HSD17B14: variants seen among roughly 807,000 people sequenced by gnomAD.
HSD17B14 encodes the protein L-fucose dehydrogenase.
A neutral mutation model predicts 32.2 loss-of-function variants in HSD17B14; 32 were observed. The observed-to-expected ratio is 0.99, with a 90% CI of 0.75 to 1.33. The LOEUF (loss-of-function observed/expected upper bound fraction) is 1.33. Ranked by LOEUF, HSD17B14 falls within the 40% of genes most tolerant of loss-of-function variation. The pLI is 0.00. For synonymous variants in HSD17B14, 140 were observed against 155.4 expected (o/e 0.90, Z 0.74); for missense variants, 370 against 366.5 (o/e 1.01, Z -0.08).
intron 4 of HSD17B14, 72 bp downstream of exon 4, chr19:48,832,594 G>T: frequency 7.5e-7 from 1 of 1,332,532 alleles, no homozygotes. Flanking sequence ...GCAGGGAGTG[G>T]GGAAACTGAC....
intron 5 of HSD17B14, 54 bp from the exon 6 acceptor site, chr19:48,815,195 A>T (rs1302106601): frequency 7.5e-7 from 1 of 1,340,440 alleles, no homozygotes; most frequent in Admixed American, 1.7e-5. Flanking sequence ...TTCGCAGACC[A>T]CTGAAACACA....
At chr19:48,835,879 C>T (rs1381334447) in intron 1 of HSD17B14, 36 bp from the exon 2 acceptor site, 1 of 1,609,564 alleles carries the variant, frequency 6.2e-7, no homozygotes, top group Non-Finnish European at 8.5e-7. Context: ...CTCTCCGAGC[C>T]TTGGTTAAAG....
In HSD17B14 at chr19:48,813,922, G is replaced by T. The variant is rs565509164; in HGVS notation, c.475-192C>A. On this transcript the variant is annotated intron_variant, in intron 6 of 8. Transcript: ENST00000263278. ...GAAATCTGTCACAGGAAGGCCAGGT[G>T]CAGTGGCTCACACCTGTAATCCCAG... is the stretch of plus-strand genomic sequence containing the variant. Among the ~76,000 whole-genome samples the T allele has an allele frequency of 1.6e-4, 24 of 152,326 alleles. No individual in the cohort carries two copies. In the South Asian group the frequency reaches 4.1e-3, roughly 26 times the overall value.
intron 5 of HSD17B14, among the ~76,000 whole-genome samples, chr19:48,822,200 T>C (rs2035165881): frequency 6.9e-6 from 1 of 144,710 alleles, no homozygotes; most frequent in Admixed American, 7.3e-5. Flanking sequence ...ATGGTGATGA[T>C]GATGATGGTG....
intron 5 of HSD17B14, among the ~76,000 whole-genome samples, chr19:48,830,395 G>A (rs2035317391): frequency 6.6e-6 from 1 of 152,084 alleles, no homozygotes; most frequent in African/African-American, 2.4e-5. Flanking sequence ...GGAACTGTCT[G>A]CTTTCCTGTA....
chr19:48,819,278 C>A (rs2035107114), intron 5 of HSD17B14, among the ~76,000 whole-genome samples: 1 of 152,152 alleles, frequency 6.6e-6, no homozygotes, highest in Non-Finnish European at 1.5e-5. Context: ...CGTGAGCCAC[C>A]ATGCCCAGCT....
chr19:48,835,830 G>T lies in HSD17B14; in HGVS notation c.102C>A (p.Ala34=). The change falls in exon 2 of 9, where the codon GCC becomes GCA. Residue 34 remains alanine, a synonymous_variant. Coordinates refer to ENST00000263278, the MANE Select transcript of HSD17B14 (RefSeq NM_016246.3). The part of the protein sequence containing the change: ...GIVRAFVNSG[A]RVVICDKDES... Reference sequence around the variant, plus strand: ...CATCCTTGTCGCAGATAACCACTCGGGCCCCGCTGTTCACTGAGAATAGGA... The same window carrying T: ...CATCCTTGTCGCAGATAACCACTCGTGCCCCGCTGTTCACTGAGAATAGGA... 1 of 1,613,638 alleles carries T rather than the reference G, an allele frequency of 6.2e-7. No homozygotes were observed. The highest frequency in any genetic ancestry group is 1.1e-5 in the South Asian group (1 of 91,078).
At chr19:48,822,790 T>C (rs890358136) in intron 5 of HSD17B14, among the ~76,000 whole-genome samples, 9 of 151,786 alleles carry the variant, frequency 5.9e-5, no homozygotes, top group Admixed American at 5.9e-4. Flanking sequence ...GTGGTAATGA[T>C]GGTGACGATG....
intron 5 of HSD17B14, among the ~76,000 whole-genome samples, chr19:48,824,352 C>A (rs1186193381): frequency 2.7e-5 from 4 of 149,212 alleles, no homozygotes; most frequent in Non-Finnish European, 4.4e-5. Context: ...GGGAGGATCC[C>A]TTGAGCCCAA....
intron 5 of HSD17B14, among the ~76,000 whole-genome samples, chr19:48,818,914 GAGA>G (rs999149234): frequency 1.3e-5 from 2 of 152,214 alleles, no homozygotes; most frequent in Non-Finnish European, 2.9e-5. Context: ...GGTGAGGTCA[GAGA>G]AGAACAGGGG....
rs113106035 is a variant in HSD17B14, at chr19:48,824,024, G to A, written c.369+7644C>T. Reference sequence around the variant, plus strand: ...AATCCCAGCACTTTGGGAGGCCGAGGCGGGCAGATCACTTGAGGTCAAGAG... The same window carrying A: ...AATCCCAGCACTTTGGGAGGCCGAGACGGGCAGATCACTTGAGGTCAAGAG... On this transcript the variant is annotated intron_variant, in intron 5 of 8. Transcript: ENST00000263278. Among the ~76,000 whole-genome samples the A allele has an allele frequency of 3.8e-3, 563 of 148,810 alleles. 5 individuals carry two copies. The highest frequency in any genetic ancestry group is 0.013 in the African/African-American group (533 of 40,618).
Position 48,813,296 on chromosome 19 carries a change from AG to A in HSD17B14, c.691del (p.Leu231TrpfsTer15). On this transcript the variant is annotated frameshift_variant, in exon 9 of 9. Coordinates refer to ENST00000263278, the MANE Select transcript of HSD17B14 (RefSeq NM_016246.3). LOFTEE classifies it low-confidence loss of function (END_TRUNC). Reference sequence around the variant, plus strand: ...CGTGCAGAAGTTGGCTTCGGAGGCCAGGAACACTGCCGCAGCCCCGACCTCA... The same window carrying A: ...CGTGCAGAAGTTGGCTTCGGAGGCCAGAACACTGCCGCAGCCCCGACCTCA... ...PAEVGAAAVF[L>X]ASEANFCTGI... The A allele has an allele frequency of 6.2e-7, 1 of 1,601,628 alleles. No individual in the cohort carries two copies. Among genetic ancestry groups the A allele is most frequent in the Non-Finnish European group, 8.5e-7 (1 of 1,174,154 alleles).
At chr19:48,822,953 G>A (rs1253963244) in intron 5 of HSD17B14, among the ~76,000 whole-genome samples, 7 of 152,110 alleles carry the variant, frequency 4.6e-5, no homozygotes, top group African/African-American at 1.4e-4. Context: ...TAACGATGGT[G>A]ATAATGGCAG....
At chr19:48,832,644 G>A in intron 4 of HSD17B14, 22 bp downstream of exon 4, 1 of 1,608,106 alleles carries the variant, frequency 6.2e-7, no homozygotes, top group Non-Finnish European at 8.5e-7. Context: ...GTGGAGAATG[G>A]CCCTGGGGTC....
intron 2 of HSD17B14, among the ~76,000 whole-genome samples, chr19:48,835,375 GGTCT>G (rs2035470773): frequency 1.6e-5 from 2 of 127,720 alleles, no homozygotes; most frequent in East Asian, 2.9e-4. Flanking sequence ...GAGGGGCTGA[GGTCT>G]GGACTCCTGG....
At chr19:48,830,301 C>CT (rs2035315377) in intron 5 of HSD17B14, among the ~76,000 whole-genome samples, 1 of 152,150 alleles carries the variant, frequency 6.6e-6, no homozygotes, top group Non-Finnish European at 1.5e-5. Context: ...TAATAGTACC[C>CT]TAAGCCCCCG....
chr19:48,818,362 G>A (rs1451985434), intron 5 of HSD17B14, among the ~76,000 whole-genome samples: 4 of 150,472 alleles, frequency 2.7e-5, no homozygotes, highest in Admixed American at 1.3e-4. Flanking sequence ...TAATATGAAC[G>A]TGAATGATGT....
At position 48,831,686 on chromosome 19, in the gene HSD17B14, C is replaced by T. The variant is rs371524650; in HGVS notation, c.351G>A (p.Gly117=). The T allele has an allele frequency of 1.9e-6, 3 of 1,613,718 alleles. No individual in the cohort carries two copies. The African/African-American group carries it at 4.0e-5, about 22-fold the overall frequency. Residue 117 remains glycine, a synonymous_variant, in exon 5 of 9, where the codon GGG becomes GGA. Transcript: ENST00000263278. ...FRQLLELNLL[G]TYTLTKLALP... Reference sequence around the variant, plus strand: ...CCCTCACCTTGGTCAAGGTGTACGTCCCCAGTAGGTTCAGCTCCAGCAGCT... The same window carrying T: ...CCCTCACCTTGGTCAAGGTGTACGTTCCCAGTAGGTTCAGCTCCAGCAGCT...
intron 5 of HSD17B14, among the ~76,000 whole-genome samples, chr19:48,821,747 A>T (rs2035153094): frequency 6.9e-6 from 1 of 145,470 alleles, no homozygotes; most frequent in East Asian, 2.0e-4. Flanking sequence ...GGTGATGGTG[A>T]GGATGGTGAT....
Sources: allele counts gnomAD v4.1 joint callset (sites outside exome capture counted in the v4.1 genomes callset), GRCh38; gene constraint gnomAD v4.1.1; transcripts MANE v1.5; gene names NCBI Gene and HGNC (gene_info 2026-07-23, HGNC 2026-07-21).